CHRM3: variants seen among roughly 807,000 people sequenced by gnomAD.
CHRM3 encodes the protein cholinergic receptor muscarinic 3.
A neutral mutation model predicts 41.8 loss-of-function variants in CHRM3; 11 were observed. The ratio of observed to expected loss-of-function variants is 0.26; its 90% confidence interval spans 0.17 to 0.44. CHRM3 has a LOEUF of 0.44. Among genes scored for constraint, CHRM3 ranks in the 20% least tolerant of loss-of-function variants. CHRM3 has a pLI of 1.00. For missense variants in CHRM3, 571 were observed against 745.4 expected (o/e 0.77, Z 2.72); for synonymous variants, 297 against 301.4 (o/e 0.99, Z 0.15).
At chr1:239,707,449 C>G (rs1301527986) in intron 5 of CHRM3, 1 of 152,180 alleles carries the variant, frequency 6.6e-6, no homozygotes, top group Admixed American at 6.5e-5. Flanking sequence ...AAGTTTCCTT[C>G]AGTCATTTTG....
intron 4 of CHRM3, among the ~76,000 whole-genome samples, chr1:239,670,771 A>AC (rs3063600): frequency 0.5 from 74,806 of 150,310 alleles, 18,858 homozygotes; most frequent in East Asian, 0.7. Context: ...CAGGTGATCT[A>AC]CCCCCCCCAC....
At chr1:239,797,990 A>G (rs1669927098) in intron 5 of CHRM3, among the ~76,000 whole-genome samples, 1 of 152,162 alleles carries the variant, frequency 6.6e-6, no homozygotes, top group African/African-American at 2.4e-5. Flanking sequence ...TCAAAGCTGC[A>G]GTGAGCTGTG....
chr1:239,466,133 A>T (rs1344499510), intron 1 of CHRM3, among the ~76,000 whole-genome samples: 1 of 152,020 alleles, frequency 6.6e-6, no homozygotes, highest in Admixed American at 6.6e-5. Context: ...AGCTGGGATT[A>T]CAGGCGCCCG....
intron 5 of CHRM3, among the ~76,000 whole-genome samples, chr1:239,742,790 C>T (rs994536581): frequency 3.9e-5 from 6 of 152,202 alleles, no homozygotes; most frequent in Non-Finnish European, 5.9e-5. Context: ...ACTGGGAAAA[C>T]AAGAGCCTGG....
chr1:239,423,844 A>G (rs1179164806), intron 1 of CHRM3, among the ~76,000 whole-genome samples: 1 of 152,082 alleles, frequency 6.6e-6, no homozygotes, highest in Admixed American at 6.6e-5. Context: ...TCACGAGGTC[A>G]GGAGATCGAG....
chr1:239,662,894 T>TCCTCTTCTTCTC (rs1673365589), intron 4 of CHRM3, among the ~76,000 whole-genome samples: 4 of 81,804 alleles, frequency 4.9e-5, no homozygotes. Context: ...TTCCTCCTCC[T>TCCTCTTCTTCTC]CTTCTTCTTC....
chr1:239,537,900 G>A (rs1336935668), intron 2 of CHRM3, among the ~76,000 whole-genome samples: 1 of 152,164 alleles, frequency 6.6e-6, no homozygotes, highest in Non-Finnish European at 1.5e-5. Flanking sequence ...TTGAAACTCA[G>A]TCTATATGAG....
At chr1:239,837,393 GACATTACCGATT>G (rs1232749767) in intron 6 of CHRM3, among the ~76,000 whole-genome samples, 5 of 152,102 alleles carry the variant, frequency 3.3e-5, no homozygotes, top group Non-Finnish European at 5.9e-5. Flanking sequence ...TTTTGTTCCT[GACATTACCGATT>G]ACCTTTCAGC....
chr1:239,687,712 A>T (rs1018272487), intron 5 of CHRM3, among the ~76,000 whole-genome samples: 5 of 152,114 alleles, frequency 3.3e-5, no homozygotes, highest in African/African-American at 1.2e-4. Flanking sequence ...TGCTCCCATA[A>T]CATAATAACT....
At chr1:239,886,499 TAA>T (rs1678084407) in intron 6 of CHRM3, 1 of 152,236 alleles carries the variant, frequency 6.6e-6, no homozygotes, top group East Asian at 1.9e-4. Flanking sequence ...GGAATCAGTT[TAA>T]ACTTAATCCC....
intron 3 of CHRM3, among the ~76,000 whole-genome samples, chr1:239,617,680 G>A (rs763320435): frequency 1.1e-4 from 17 of 152,160 alleles, no homozygotes; most frequent in Non-Finnish European, 1.5e-4. Flanking sequence ...GCTGCAATGA[G>A]CTGTGATGGC....
At chr1:239,888,807 A>T (rs752362640) in intron 6 of CHRM3, among the ~76,000 whole-genome samples, 3 of 152,126 alleles carry the variant, frequency 2.0e-5, no homozygotes, top group Non-Finnish European at 2.9e-5. Flanking sequence ...GAATGCAGGG[A>T]TCTTAACGCT....
rs76103050 is a variant in CHRM3 at position 239,909,513 on chromosome 1, C to T, written c.*289C>T. 9.3e-3 allele frequency: 2,843 copies of T among 304,702 alleles called. 83 individuals carry two copies. Among genetic ancestry groups the T allele is most frequent in the African/African-American group, 0.058 (2,644 of 45,264 alleles). 18.9% of individuals were successfully genotyped at this position (304,702 alleles called of 1,614,324 possible). A position where few individuals can be genotyped will look rare whatever the true frequency, so the allele number is the denominator to read the frequency against. The stretch of plus-strand genomic sequence containing the variant: ...TAAAGAGGAGAAAAATATTGCTTGA[C>T]GGCAATTATATACCCAAAGTGATTT... On this transcript the variant is annotated 3_prime_UTR_variant, in exon 7 of 7. Coordinates refer to ENST00000676153, the MANE Select transcript of CHRM3 (RefSeq NM_001375978.1).
At chr1:239,399,633 A>G (rs1375340826) in intron 1 of CHRM3, among the ~76,000 whole-genome samples, 1 of 152,180 alleles carries the variant, frequency 6.6e-6, no homozygotes, top group Non-Finnish European at 1.5e-5. Context: ...CTCACTTAAC[A>G]CAACGTCCTC....
At chr1:239,856,980 A>C (rs550120566) in intron 6 of CHRM3, among the ~76,000 whole-genome samples, 1 of 152,320 alleles carries the variant, frequency 6.6e-6, no homozygotes, top group African/African-American at 2.4e-5. Context: ...AATAGTAATT[A>C]ATCACCTGCT....
In CHRM3 at chr1:239,877,064, T is replaced by C. The variant is rs562508927; in HGVS notation, c.-19-30369T>C. ...TTACAGAAAATAAGCAAATTTAGGT[T>C]AAAAATGCCCCATCTCTCTCTTTTT... On this transcript the variant is annotated intron_variant, in intron 6 of 6. Transcript: ENST00000676153. 2.6e-5 allele frequency among the ~76,000 whole-genome samples: 4 copies of C among 152,326 alleles called. No individual in the cohort carries two copies. In the South Asian group the frequency reaches 8.3e-4, roughly 32 times the overall value.
chr1:239,772,451 T>C (rs968012610), intron 5 of CHRM3, among the ~76,000 whole-genome samples: 9 of 152,106 alleles, frequency 5.9e-5, no homozygotes, highest in Admixed American at 1.3e-4. Flanking sequence ...ATGCCCAGCC[T>C]ATACTTCCTT....
At chr1:239,544,160 C>A (rs1659061481) in intron 2 of CHRM3, among the ~76,000 whole-genome samples, 1 of 152,162 alleles carries the variant, frequency 6.6e-6, no homozygotes, top group East Asian at 1.9e-4. Context: ...TGGGATCTGA[C>A]CACTAGAGTC....
chr1:239,488,018 G>T (rs1243366250), intron 1 of CHRM3, among the ~76,000 whole-genome samples: 1 of 152,118 alleles, frequency 6.6e-6, no homozygotes, highest in Non-Finnish European at 1.5e-5. Context: ...ATAAAGACGT[G>T]AATATTAAAA....
Sources: allele counts gnomAD v4.1 joint callset (sites outside exome capture counted in the v4.1 genomes callset), GRCh38; gene constraint gnomAD v4.1.1; transcripts MANE v1.5; gene names NCBI Gene and HGNC (gene_info 2026-07-23, HGNC 2026-07-21).